RGS7: variants seen among roughly 807,000 people sequenced by gnomAD.
RGS7 encodes the protein regulator of G-protein signaling 7.
RGS7 carries 27 observed loss-of-function variants against 81.1 expected under a neutral mutation model. That is an observed-to-expected ratio of 0.33 (90% CI 0.25 to 0.46). The LOEUF (loss-of-function observed/expected upper bound fraction) is 0.46. Ranked by LOEUF, RGS7 falls within the 20% of genes least tolerant of loss-of-function variation. The pLI is 1.00. For synonymous variants in RGS7, 208 were observed against 207.7 expected (o/e 1.00, Z -0.01); for missense variants, 396 against 607.4 (o/e 0.65, Z 3.66).
intron 4 of RGS7, among the ~76,000 whole-genome samples, chr1:240,938,822 G>A (rs542364): frequency 0.55 from 73,444 of 132,444 alleles, 18,086 homozygotes; most frequent in African/African-American, 0.66. Flanking sequence ...AATTTTGTGC[G>A]TGTGTGTGTG....
At chr1:241,174,895 GTTTTTTT>G (rs551122102) in intron 2 of RGS7, among the ~76,000 whole-genome samples, 3 of 69,228 alleles carry the variant, frequency 4.3e-5, no homozygotes, top group South Asian at 7.3e-4. Context: ...ACAGAATTTT[GTTTTTTT>G]TTTTTTTTTT....
chr1:241,292,659 A>C (rs529636551), intron 2 of RGS7, among the ~76,000 whole-genome samples: 1 of 152,312 alleles, frequency 6.6e-6, no homozygotes. Context: ...CACTGTGAGC[A>C]CTCAGGTTAA....
At chr1:241,194,836 G>A (rs1020171288) in intron 2 of RGS7, among the ~76,000 whole-genome samples, 6 of 152,180 alleles carry the variant, frequency 3.9e-5, no homozygotes, top group Non-Finnish European at 8.8e-5. Flanking sequence ...AGGTTGACAG[G>A]AGTATTTAAA....
At chr1:241,203,140 C>A (rs2073640719) in intron 2 of RGS7, among the ~76,000 whole-genome samples, 1 of 152,020 alleles carries the variant, frequency 6.6e-6, no homozygotes, top group African/African-American at 2.4e-5. Context: ...TCATTGAAAC[C>A]CAGGCCATAA....
intron 2 of RGS7, among the ~76,000 whole-genome samples, chr1:241,182,403 T>G (rs1198327052): frequency 6.6e-6 from 1 of 152,174 alleles, no homozygotes; most frequent in Non-Finnish European, 1.5e-5. Flanking sequence ...CTGAGAGAAT[T>G]GAATGAAGTC....
At chr1:240,815,705 C>A (rs1246856592) in intron 11 of RGS7, among the ~76,000 whole-genome samples, 1 of 151,918 alleles carries the variant, frequency 6.6e-6, no homozygotes, top group Non-Finnish European at 1.5e-5. Flanking sequence ...GAGAATAAAG[C>A]CCCATAACTG....
intron 9 of RGS7, among the ~76,000 whole-genome samples, chr1:240,834,728 G>C (rs1694412418): frequency 6.6e-6 from 1 of 152,002 alleles, no homozygotes; most frequent in South Asian, 2.1e-4. Context: ...AGCCAGGATG[G>C]TCTCCATCTC....
At chr1:240,837,970 C>T (rs1382386684) in intron 9 of RGS7, among the ~76,000 whole-genome samples, 2 of 152,166 alleles carry the variant, frequency 1.3e-5, no homozygotes, top group Non-Finnish European at 2.9e-5. Flanking sequence ...ACAATAGCTG[C>T]CTTGAATTCA....
chr1:241,142,229 C>A (rs1461061200), intron 2 of RGS7, among the ~76,000 whole-genome samples: 1 of 152,178 alleles, frequency 6.6e-6, no homozygotes, highest in African/African-American at 2.4e-5. Flanking sequence ...GTGCACAGTG[C>A]AAGCTGTCAG....
chr1:240,919,700 T>C (rs774657457), intron 6 of RGS7: 2 of 596,514 alleles, frequency 3.4e-6, no homozygotes, highest in Non-Finnish European at 6.1e-6. Flanking sequence ...GAGGAAGCTC[T>C]TCATTGGAGG....
chr1:240,993,650 ACCTTGTTGTTCC>A (rs1686855163), intron 3 of RGS7, among the ~76,000 whole-genome samples: 1 of 151,790 alleles, frequency 6.6e-6, no homozygotes, highest in African/African-American at 2.4e-5. Flanking sequence ...TTTACTCTGT[ACCTTGTTGTTCC>A]ACCCTCTTCA....
At chr1:241,331,624 C>T (rs75995098) in intron 2 of RGS7, among the ~76,000 whole-genome samples, 2,725 of 152,212 alleles carry the variant, frequency 0.018, 79 homozygotes, top group African/African-American at 0.061. Flanking sequence ...TACTCTAGTT[C>T]TGTATTTACT....
At position 240,955,551 on chromosome 1, in the gene RGS7, CAAAAAAAAAA is replaced by C. The variant is rs369155474; in HGVS notation, c.227-18855_227-18846del. On this transcript the variant is annotated intron_variant, in intron 4 of 18. Coordinates refer to ENST00000440928, the MANE Select transcript of RGS7 (RefSeq NM_001364886.1). ...TGGGCGGCAGAGCAAGACTCTGTCT[CAAAAAAAAAA>C]AAAAAAAAAAAAAAAAAAAAAACCG... Among the ~76,000 whole-genome samples, 17 of 140,302 alleles carry C rather than the reference CAAAAAAAAAA, an allele frequency of 1.2e-4. 2 individuals carry two copies. In the South Asian group the frequency reaches 2.8e-3, roughly 23 times the overall value. The allele number at this position is 140,302 out of a possible 152,430, so 92.0% of individuals were successfully genotyped here.
chr1:241,329,835 T>C (rs1471637263), intron 2 of RGS7, among the ~76,000 whole-genome samples: 1 of 152,148 alleles, frequency 6.6e-6, no homozygotes, highest in Non-Finnish European at 1.5e-5. Context: ...AAAACATACA[T>C]GATGGTTTAT....
intron 6 of RGS7, among the ~76,000 whole-genome samples, chr1:240,899,475 G>T (rs1669625804): frequency 6.6e-6 from 1 of 152,162 alleles, no homozygotes; most frequent in Admixed American, 6.5e-5. Flanking sequence ...TATAAGGCAG[G>T]CCTGGTGGTG....
At chr1:241,038,074 G>A (rs756438367) in intron 3 of RGS7, among the ~76,000 whole-genome samples, 3 of 152,086 alleles carry the variant, frequency 2.0e-5, no homozygotes, top group Admixed American at 6.5e-5. Context: ...ACATATTAAT[G>A]TAATAAAATG....
chr1:241,042,275 TA>T (rs34231675), intron 3 of RGS7, among the ~76,000 whole-genome samples: 27,807 of 152,126 alleles, frequency 0.18, 2,882 homozygotes, highest in Non-Finnish European at 0.23. Flanking sequence ...GGGATTATAA[TA>T]AAGCTAAAAT....
chr1:240,965,709 G>A (rs779332024), intron 4 of RGS7, among the ~76,000 whole-genome samples: 1 of 152,186 alleles, frequency 6.6e-6, no homozygotes, highest in Non-Finnish European at 1.5e-5. Context: ...CAGCAGGGGT[G>A]TGATGACATG....
intron 2 of RGS7, among the ~76,000 whole-genome samples, chr1:241,315,517 CTAATTTTAGCTAAATACATT>C (rs2080822285): frequency 6.6e-6 from 1 of 152,178 alleles, no homozygotes. Flanking sequence ...TTACTTTTTA[CTAATTTTAGCTAAATACATT>C]CCATAAAACC....
Sources: allele counts gnomAD v4.1 joint callset (sites outside exome capture counted in the v4.1 genomes callset), GRCh38; gene constraint gnomAD v4.1.1; transcripts MANE v1.5; gene names NCBI Gene and HGNC (gene_info 2026-07-23, HGNC 2026-07-21).